The following CXCL13 variants were observed in gnomAD, a reference collection of about 807,000 sequenced individuals.
CXCL13 encodes C-X-C motif chemokine ligand 13.
A neutral mutation model predicts 12.2 loss-of-function variants in CXCL13; 7 were observed. The observed-to-expected ratio is 0.57, with a 90% CI of 0.33 to 1.07. The LOEUF (loss-of-function observed/expected upper bound fraction) is 1.07, where lower values mean the gene tolerates loss of function less well. CXCL13 is among the 50% of genes least tolerant of loss of function. The pLI, the probability that CXCL13 is intolerant of heterozygous loss-of-function variation, is 0.04. For missense variants in CXCL13, 113 were observed against 127.4 expected, an observed-to-expected ratio of 0.89 and a Z score of 0.55; for synonymous variants, 47 against 42.4, an observed-to-expected ratio of 1.11 and a Z score of -0.42.
chr4:77,539,414 A>G (rs760349212), intron 1 of CXCL13, among the ~76,000 whole-genome samples: 3 of 152,212 alleles, frequency 2.0e-5, no homozygotes, highest in Non-Finnish European at 4.4e-5. Context: ...AGCATGAGCC[A>G]CTGCACCTGG....
chr4:77,568,818 G>A (rs1016339621), intron 1 of CXCL13, among the ~76,000 whole-genome samples: 4 of 152,162 alleles, frequency 2.6e-5, no homozygotes, highest in Middle Eastern at 3.2e-3. Flanking sequence ...TCCCACCCTA[G>A]GGGAATCTTA....
chr4:77,570,869 C>T (rs1019660930), intron 1 of CXCL13, among the ~76,000 whole-genome samples: 4 of 151,962 alleles, frequency 2.6e-5, no homozygotes, highest in East Asian at 3.9e-4. Context: ...GTGCTGCGCT[C>T]GATTTCTCAC....
intron 1 of CXCL13, among the ~76,000 whole-genome samples, chr4:77,557,385 C>A (rs139005425): frequency 6.6e-6 from 1 of 152,272 alleles, no homozygotes; most frequent in African/African-American, 2.4e-5. Flanking sequence ...TTTCATCCAT[C>A]TTTGGCCTCT....
At chr4:77,556,728 G>A (rs1725668016) in intron 1 of CXCL13, among the ~76,000 whole-genome samples, 1 of 151,924 alleles carries the variant, frequency 6.6e-6, no homozygotes. Context: ...CAGAATATTA[G>A]GTCCACAATC....
chr4:77,568,521 C>A (rs540843765), intron 1 of CXCL13, among the ~76,000 whole-genome samples: 1 of 152,234 alleles, frequency 6.6e-6, no homozygotes, highest in East Asian at 1.9e-4. Flanking sequence ...GCTATTTGGG[C>A]AATTGTTTAA....
chr4:77,585,550 G>T (rs1011431826), intron 1 of CXCL13, among the ~76,000 whole-genome samples: 5 of 152,142 alleles, frequency 3.3e-5, no homozygotes, highest in African/African-American at 1.2e-4. Context: ...ATGGGTGAAA[G>T]CTGCCGTTAG....
At chr4:77,565,755 C>T (rs1332185271) in intron 1 of CXCL13, among the ~76,000 whole-genome samples, 2 of 152,146 alleles carry the variant, frequency 1.3e-5, no homozygotes, top group East Asian at 3.9e-4. Context: ...ACGATGGTCA[C>T]TTTCTACCTC....
chr4:77,578,645 C>A (rs1726247613), intron 1 of CXCL13, among the ~76,000 whole-genome samples: 1 of 152,050 alleles, frequency 6.6e-6, no homozygotes, highest in Non-Finnish European at 1.5e-5. Flanking sequence ...AGCAGGACAC[C>A]CTCTCACTGT....
In CXCL13 at chr4:77,553,048, G is replaced by A. The variant is rs181226036; in HGVS notation, c.-43+41260G>A. Among the ~76,000 whole-genome samples, 947 of 152,192 alleles carry A rather than the reference G, an allele frequency of 6.2e-3. 14 individuals carry two copies. The highest frequency in any genetic ancestry group is 0.022 in the African/African-American group (903 of 41,534). ...CTCTGATTGCCTGAATTTTGGCTTGGGGGTGGAGTGGAAAGGGGCCCTACT... is the reference window on the plus strand; with the variant it reads ...CTCTGATTGCCTGAATTTTGGCTTGAGGGTGGAGTGGAAAGGGGCCCTACT... On this transcript the variant is annotated intron_variant, in intron 1 of 4. Coordinates refer to the CXCL13 transcript ENST00000286758.
intron 1 of CXCL13, among the ~76,000 whole-genome samples, chr4:77,553,211 A>T (rs1266980908): frequency 6.6e-6 from 1 of 152,166 alleles, no homozygotes; most frequent in African/African-American, 2.4e-5. Context: ...TTCCTGCTCC[A>T]GGTCTGTGAT....
chr4:77,576,814 T>G (rs2109822015), intron 1 of CXCL13, among the ~76,000 whole-genome samples: 1 of 152,348 alleles, frequency 6.6e-6, no homozygotes, highest in African/African-American at 2.4e-5. Flanking sequence ...AGTATAAGAC[T>G]TATAAGCCTA....
intron 3 of CXCL13, 30 bp from the exon 4 acceptor site, chr4:77,610,958 G>A (rs1420411036): frequency 6.3e-7 from 1 of 1,592,750 alleles, no homozygotes; most frequent in Non-Finnish European, 8.6e-7. Context: ...CTCTAAACAT[G>A]ACAATTTTGT....
At chr4:77,587,845 G>A (rs1726513881) in intron 1 of CXCL13, among the ~76,000 whole-genome samples, 1 of 152,236 alleles carries the variant, frequency 6.6e-6, no homozygotes, top group African/African-American at 2.4e-5. Flanking sequence ...CTGCGAAGCA[G>A]GGTCATATAA....
intron 1 of CXCL13, among the ~76,000 whole-genome samples, chr4:77,596,635 A>G (rs944120251): frequency 3.3e-5 from 5 of 151,992 alleles, no homozygotes; most frequent in Non-Finnish European, 7.4e-5. Context: ...AAATACAAAA[A>G]TTAGCTGGGT....
intron 1 of CXCL13, among the ~76,000 whole-genome samples, chr4:77,583,073 C>G (rs1726376773): frequency 6.6e-6 from 1 of 152,154 alleles, no homozygotes; most frequent in Non-Finnish European, 1.5e-5. Flanking sequence ...TCTAGACAAA[C>G]TGAATAATCT....
chr4:77,532,410 A>C (rs1413232150), intron 1 of CXCL13, among the ~76,000 whole-genome samples: 1 of 152,210 alleles, frequency 6.6e-6, no homozygotes, highest in African/African-American at 2.4e-5. Flanking sequence ...TCTGCCGAGA[A>C]ATCAGCTGTT....
At chr4:77,569,801 G>T (rs1342196840) in intron 1 of CXCL13, among the ~76,000 whole-genome samples, 2 of 152,138 alleles carry the variant, frequency 1.3e-5, no homozygotes, top group African/African-American at 4.8e-5. Flanking sequence ...ACCAAAAAAA[G>T]AGTCCAAATA....
At chr4:77,518,670 A>T (rs985546678) in intron 1 of CXCL13, among the ~76,000 whole-genome samples, 1 of 151,838 alleles carries the variant, frequency 6.6e-6, no homozygotes, top group South Asian at 2.1e-4. Flanking sequence ...ACTTCTCTAT[A>T]TTGGTTATTC....
chr4:77,559,064 C>A lies in CXCL13; in HGVS notation c.-42-46760C>A, dbSNP rs561714996. 2.6e-5 allele frequency among the ~76,000 whole-genome samples: 4 copies of A among 152,340 alleles called. No homozygotes were observed. The South Asian group carries it at 8.3e-4, about 32-fold the overall frequency. On this transcript the variant is annotated intron_variant, in intron 1 of 4. Transcript: ENST00000286758. Reference sequence around the variant, plus strand: ...TTTCTTCCACCAGTATACCATCCAACTTCATCAACTGTGATTGTTTTAACA... The same window carrying A: ...TTTCTTCCACCAGTATACCATCCAAATTCATCAACTGTGATTGTTTTAACA...
Sources: gnomAD v4.1 joint callset for allele counts (sites outside exome capture counted in the v4.1 genomes callset) on GRCh38, gnomAD v4.1.1 for gene constraint, MANE v1.5 for transcripts, NCBI Gene and HGNC (gene_info 2026-07-23, HGNC 2026-07-21) for gene names.